Variants in IL1RAPL2 observed in about 807,000 individuals in gnomAD.
The protein encoded by IL1RAPL2 is interleukin 1 receptor accessory protein like 2, also known as X-linked interleukin-1 receptor accessory protein-like 2.
Under a neutral mutation model 44.1 loss-of-function variants are expected in IL1RAPL2, and 3 were observed. The observed-to-expected ratio is 0.07, with a 90% CI of 0.03 to 0.18. The LOEUF is 0.18. IL1RAPL2 is among the 10% of genes least tolerant of loss of function. The pLI is 1.00. For synonymous variants in IL1RAPL2, 181 were observed against 178.8 expected (o/e 1.01, Z -0.10); for missense variants, 391 against 496.4 (o/e 0.79, Z 2.02).
chrX:104,893,545 T>C (rs1052717754), intron 2 of IL1RAPL2, among the ~76,000 whole-genome samples: 8 of 111,354 alleles, frequency 7.2e-5, no homozygotes, highest in South Asian at 3.8e-4. Flanking sequence ...TATGTAATGG[T>C]CTTCTTTGTC....
intron 2 of IL1RAPL2, among the ~76,000 whole-genome samples, chrX:104,954,166 G>A (rs1925653993): frequency 8.9e-6 from 1 of 112,318 alleles, no homozygotes; most frequent in South Asian, 3.7e-4. Context: ...TACCTTGAAA[G>A]CACTCCATAG....
intron 4 of IL1RAPL2, among the ~76,000 whole-genome samples, chrX:105,256,614 C>T (rs924722574): frequency 9.9e-5 from 11 of 111,333 alleles, no homozygotes; most frequent in East Asian, 5.7e-4. Flanking sequence ...CAGGCGTGAG[C>T]GACCGTGCCT....
intron 5 of IL1RAPL2, among the ~76,000 whole-genome samples, chrX:105,447,367 A>T (rs1292399291): frequency 0.18 from 11,882 of 67,642 alleles, 3,512 homozygotes; most frequent in African/African-American, 0.76. Context: ...ATATATAAAT[A>T]TAAATATATA....
intron 5 of IL1RAPL2, among the ~76,000 whole-genome samples, chrX:105,337,801 G>T (rs897673888): frequency 5.4e-5 from 6 of 110,898 alleles, no homozygotes; most frequent in Non-Finnish European, 1.1e-4. Flanking sequence ...TAAGGCAGGA[G>T]AATGGTGTGA....
At chrX:105,524,295 T>C (rs2036580736) in intron 6 of IL1RAPL2, among the ~76,000 whole-genome samples, 1 of 111,116 alleles carries the variant, frequency 9.0e-6, no homozygotes, top group Non-Finnish European at 1.9e-5. Context: ...TATCACAACA[T>C]TTGAAGTCTG....
At chrX:105,141,233 C>T (rs1054566393) in intron 2 of IL1RAPL2, among the ~76,000 whole-genome samples, 19 of 110,589 alleles carry the variant, frequency 1.7e-4, no homozygotes, top group African/African-American at 6.3e-4. Context: ...CAAAAATGCC[C>T]TAGATAGAAA....
intron 5 of IL1RAPL2, among the ~76,000 whole-genome samples, chrX:105,435,647 G>A (rs2035876509): frequency 9.0e-6 from 1 of 111,716 alleles, no homozygotes; most frequent in Non-Finnish European, 1.9e-5. Flanking sequence ...CAACCCAAAT[G>A]TCCATCAATG....
chrX:105,361,393 CAATATTTATTGATAT>C (rs2035246470), intron 5 of IL1RAPL2, among the ~76,000 whole-genome samples: 1 of 110,681 alleles, frequency 9.0e-6, no homozygotes, highest in South Asian at 3.8e-4. Context: ...TGCATTCATT[CAATATTTATTGATAT>C]AATATTTATA....
chrX:105,357,696 G>A (rs1296172029), intron 5 of IL1RAPL2, among the ~76,000 whole-genome samples: 4 of 104,393 alleles, frequency 3.8e-5, no homozygotes, highest in Admixed American at 9.9e-5. Context: ...TGGATATAAC[G>A]GCTGCATTGT....
At chrX:104,761,872 TCTCCTTCTCCTTCTC>T (rs1932441649) in intron 2 of IL1RAPL2, among the ~76,000 whole-genome samples, 1 of 45,939 alleles carries the variant, frequency 2.2e-5, no homozygotes, top group Non-Finnish European at 3.4e-5. Context: ...TCCTTCTCCT[TCTCCTTCTCCTTCTC>T]CTTCTCCTTC....
chrX:104,841,866 C>T (rs1921910308), intron 2 of IL1RAPL2, among the ~76,000 whole-genome samples: 1 of 109,367 alleles, frequency 9.1e-6, no homozygotes, highest in Admixed American at 9.8e-5. Context: ...GATTATGTGT[C>T]TTGGGCTTGA....
intron 6 of IL1RAPL2, among the ~76,000 whole-genome samples, chrX:105,612,830 A>G (rs1236177228): frequency 1.8e-5 from 2 of 112,122 alleles, no homozygotes; most frequent in Non-Finnish European, 3.8e-5. Context: ...CACCCATCCC[A>G]GTGGTTAGAA....
chrX:104,983,493 G>GATACATAATATTATATAATATTATATTAA (rs2030489691), intron 2 of IL1RAPL2, among the ~76,000 whole-genome samples: 1 of 95,837 alleles, frequency 1.0e-5, no homozygotes, highest in Non-Finnish European at 2.0e-5. Flanking sequence ...TATTATATTA[G>GATACATAATATTATATAATATTATATTAA]ATACATAATA....
At chrX:104,882,944 G>A (rs1923112758) in intron 2 of IL1RAPL2, among the ~76,000 whole-genome samples, 2 of 111,290 alleles carry the variant, frequency 1.8e-5, no homozygotes, top group Non-Finnish European at 1.9e-5. Context: ...ACACTGCGAA[G>A]GTCTGCGGCT....
intron 2 of IL1RAPL2, among the ~76,000 whole-genome samples, chrX:105,044,645 G>A (rs745919708): frequency 8.9e-6 from 1 of 111,760 alleles, no homozygotes; most frequent in African/African-American, 3.2e-5. Context: ...CAGGGAAGTA[G>A]GTTGAGACTG....
intron 2 of IL1RAPL2, among the ~76,000 whole-genome samples, chrX:105,031,544 A>G (rs1404607955): frequency 2.7e-5 from 3 of 111,978 alleles, no homozygotes; most frequent in African/African-American, 9.8e-5. Flanking sequence ...GCTGGATTAC[A>G]TTTATTGATT....
intron 2 of IL1RAPL2, among the ~76,000 whole-genome samples, chrX:104,855,680 C>CTTTTTTTT (rs1304044009): frequency 1.9e-5 from 1 of 53,778 alleles, no homozygotes; most frequent in African/African-American, 6.3e-5. Flanking sequence ...GATCTGGATC[C>CTTTTTTTT]GTTTTTTTTT....
intron 2 of IL1RAPL2, among the ~76,000 whole-genome samples, chrX:105,028,161 C>T (rs944413718): frequency 1.8e-5 from 2 of 110,688 alleles, no homozygotes; most frequent in African/African-American, 3.3e-5. Flanking sequence ...AGTAGAAGTA[C>T]GGTTACCAGA....
intron 2 of IL1RAPL2, among the ~76,000 whole-genome samples, chrX:104,848,366 G>T (rs1278388395): frequency 1.4e-4 from 13 of 95,511 alleles, no homozygotes; most frequent in African/African-American, 4.7e-4. Flanking sequence ...CAAAAATTTA[G>T]CATATAAGTT....
Sources: allele counts gnomAD v4.1 joint callset (sites outside exome capture counted in the v4.1 genomes callset), GRCh38; gene constraint gnomAD v4.1.1; transcripts MANE v1.5; gene names NCBI Gene and HGNC (gene_info 2026-07-23, HGNC 2026-07-21).